Variants in CYP2S1 observed in about 807,000 individuals in gnomAD.
The protein encoded by CYP2S1 is cytochrome P450 family 2 subfamily S member 1.
A neutral mutation model predicts 43.5 loss-of-function variants in CYP2S1; 32 were observed. The ratio of observed to expected loss-of-function variants is 0.74; its 90% confidence interval spans 0.56 to 0.99. The LOEUF (loss-of-function observed/expected upper bound fraction) is 0.99, where lower values mean the gene tolerates loss of function less well. Among genes scored for constraint, CYP2S1 ranks in the 50% least tolerant of loss-of-function variants. The pLI is 0.00. For synonymous variants in CYP2S1, 283 were observed against 302.9 expected, an observed-to-expected ratio of 0.93 and a Z score of 0.68; for missense variants, 575 against 673.9, an observed-to-expected ratio of 0.85 and a Z score of 1.62.
intron 5 of CYP2S1, among the ~76,000 whole-genome samples, chr19:41,200,527 C>A (rs969547773): frequency 1.3e-5 from 2 of 152,062 alleles, no homozygotes; most frequent in Admixed American, 1.3e-4. Flanking sequence ...TGCCCGTCAC[C>A]ACGCCTGGCT....
intron 6 of CYP2S1, 73 bp downstream of exon 6, chr19:41,201,445 C>T (rs2033488450): frequency 6.5e-7 from 1 of 1,549,772 alleles, no homozygotes. Context: ...GTGGCTCACG[C>T]CTATAATCCC....
chr19:41,194,758 C>T, intron 2 of CYP2S1, 49 bp downstream of exon 2: 1 of 1,580,764 alleles, frequency 6.3e-7, no homozygotes, highest in South Asian at 1.2e-5. Flanking sequence ...CCACCACTTA[C>T]TGGTGTGTGA....
intron 2 of CYP2S1, among the ~76,000 whole-genome samples, chr19:41,195,314 G>A (rs538696554): frequency 3.3e-5 from 5 of 152,166 alleles, no homozygotes; most frequent in African/African-American, 7.2e-5. Context: ...GCAAGCCCTC[G>A]AATAATAGAA....
At position 41,193,405 on chromosome 19, in the gene CYP2S1, G is replaced by C. The variant is rs1188228467; in HGVS notation, c.141G>C (p.Gln47His). The change falls in exon 1 of 9, where the codon CAG (glutamine) becomes CAC (histidine). Residue 47 changes from glutamine to histidine, a missense_variant. Coordinates refer to ENST00000310054, the MANE Select transcript of CYP2S1 (RefSeq NM_030622.8). ...TACCACTGCTGGGAAACCTCCTGCA[G>C]CTACGGCCCGGGGCGCTGTATTCAG... is the stretch of plus-strand genomic sequence containing the variant. Reference protein sequence around the residue: ...TPLPLLGNLLQLRPGALYSGL... With the variant: ...TPLPLLGNLLHLRPGALYSGL... 1 of 1,512,872 alleles carries C rather than the reference G, an allele frequency of 6.6e-7. No homozygotes were observed. Among genetic ancestry groups the C allele is most frequent in the East Asian group, 2.6e-5 (1 of 38,856 alleles). 93.7% of individuals were successfully genotyped at this position (1,512,872 alleles called of 1,614,324 possible).
intron 6 of CYP2S1, among the ~76,000 whole-genome samples, chr19:41,202,697 G>C (rs567627367): frequency 5.9e-5 from 9 of 151,962 alleles, no homozygotes; most frequent in African/African-American, 1.9e-4. Flanking sequence ...GACTGAGGTG[G>C]AAGGATCACC....
At chr19:41,203,816 ATCTT>A (rs947143793) in intron 7 of CYP2S1, among the ~76,000 whole-genome samples, 179 bp downstream of exon 7, 19 of 138,634 alleles carry the variant, frequency 1.4e-4, no homozygotes, top group African/African-American at 4.4e-4. Context: ...ACCCCCCTGC[ATCTT>A]TCTTCTCCTT....
chr19:41,194,894 T>C (rs963596480), intron 2 of CYP2S1, among the ~76,000 whole-genome samples, 185 bp downstream of exon 2: 3 of 151,986 alleles, frequency 2.0e-5, no homozygotes, highest in Admixed American at 2.0e-4. Context: ...GGTGGGTGGA[T>C]CACTTGAGGT....
rs1217140442 is a variant in CYP2S1 at position 41,206,407 on chromosome 19, C to T, written c.1434C>T (p.Val478=). Residue 478 remains valine (V), a synonymous_variant, in exon 9 of 9, where the codon GTC becomes GTT. Transcript: ENST00000310054. ...ACACCCTGAGCCTCAAGCCCACCGTCAGTGGCCTTTTCAACATTCCCCCAG... is the reference window on the plus strand; with the variant it reads ...ACACCCTGAGCCTCAAGCCCACCGTTAGTGGCCTTTTCAACATTCCCCCAG... ...PPDTLSLKPT[V]SGLFNIPPAF... is the part of the protein sequence containing the mutation. 3 of 1,614,076 alleles carry T rather than the reference C, an allele frequency of 1.9e-6. No homozygotes were observed. The highest frequency in any genetic ancestry group is 2.5e-6 in the Non-Finnish European group (3 of 1,180,044).
intron 2 of CYP2S1, among the ~76,000 whole-genome samples, chr19:41,196,080 A>G (rs1359207840): frequency 2.0e-5 from 3 of 152,084 alleles, no homozygotes; most frequent in African/African-American, 7.2e-5. Flanking sequence ...GCACAGGCAT[A>G]TGTACGAGGG....
At chr19:41,204,943 C>A (rs1455461222) in intron 7 of CYP2S1, among the ~76,000 whole-genome samples, 1 of 151,966 alleles carries the variant, frequency 6.6e-6, no homozygotes, top group Non-Finnish European at 1.5e-5. Context: ...TCACTTCCCC[C>A]CCTGAACCTC....
At position 41,194,547 on chromosome 19, in the gene CYP2S1, A is replaced by C; in HGVS notation, c.181A>C (p.Ser61Arg). The change falls in exon 2 of 9, where the codon AGT becomes CGT. Residue 61 changes from serine (S) to arginine (R), a missense_variant. This residue lies in a region of CYP2S1 where 353 missense variants were observed against 367.6 expected (regional missense o/e 0.96). Coordinates refer to ENST00000310054, the MANE Select transcript of CYP2S1 (RefSeq NM_030622.8). ...GALYSGLMRL[S>R]KKYGPVFTIY... ...CTTTCTTCCTCCCTACCCCCAGCTG[A>C]GTAAGAAGTACGGACCGGTGTTCAC... The C allele has an allele frequency of 6.3e-7, 1 of 1,580,488 alleles. No homozygotes were observed. Among genetic ancestry groups the C allele is most frequent in the Non-Finnish European group, 8.6e-7 (1 of 1,166,688 alleles).
chr19:41,203,282 A>C (rs577933438), intron 6 of CYP2S1, among the ~76,000 whole-genome samples, 168 bp from the exon 7 acceptor site: 57 of 152,216 alleles, frequency 3.7e-4, no homozygotes, highest in African/African-American at 1.1e-3. Context: ...TAGATGGAAC[A>C]CCCAACACAC....
intron 2 of CYP2S1, among the ~76,000 whole-genome samples, chr19:41,196,218 A>AG (rs959622867): frequency 1.2e-4 from 18 of 152,262 alleles, no homozygotes; most frequent in Admixed American, 3.9e-4. Flanking sequence ...AGGGAACTGC[A>AG]GGATCATAGG....
At chr19:41,203,677 C>T (rs567914928) in intron 7 of CYP2S1, 40 bp downstream of exon 7, 181 of 1,473,166 alleles carry the variant, frequency 1.2e-4, no homozygotes, top group South Asian at 1.7e-4. Context: ...TTCTCTGCCT[C>T]GGGGCCTGAG....
Position 41,201,338 on chromosome 19 carries a change from C to A in CYP2S1, c.942C>A (p.Thr314=). Residue 314 remains threonine (T), a synonymous_variant, in exon 6 of 9, where the codon ACC becomes ACA. Coordinates refer to ENST00000310054, the MANE Select transcript of CYP2S1 (RefSeq NM_030622.8). The part of the protein sequence containing the change: ...TMTVSTTVGY[T]LLLLMKYPHV... ...CGGTCAGCACCACGGTCGGCTATAC[C>A]CTCCTGCTCCTGATGAAATACCCTC... is the stretch of plus-strand genomic sequence containing the variant. The A allele has an allele frequency of 6.2e-7, 1 of 1,614,060 alleles. No individual in the cohort carries two copies. The highest frequency in any genetic ancestry group is 8.5e-7 in the Non-Finnish European group (1 of 1,180,032).
At position 41,197,802 on chromosome 19, in the gene CYP2S1, C is replaced by G. The variant is rs752402676; in HGVS notation, c.367C>G (p.Arg123Gly). ...GHGVFFSNGE[R>G]WRQLRKFTML... ...AGGGGTTTTCTTCTCCAACGGGGAG[C>G]GGTGGAGGCAGCTGAGGAAGTTTAC... The change falls in exon 3 of 9, where the codon CGG (arginine) becomes GGG (glycine). Residue 123 changes from arginine (R) to glycine (G), a missense_variant. This residue lies in a region of CYP2S1 where 353 missense variants were observed against 367.6 expected (regional missense o/e 0.96). Coordinates refer to ENST00000310054, the MANE Select transcript of CYP2S1 (RefSeq NM_030622.8). 1 of 1,613,978 alleles carries G rather than the reference C, an allele frequency of 6.2e-7. No individual in the cohort carries two copies.
Position 41,206,621 on chromosome 19 carries a change from A to C in CYP2S1, c.*133A>C. ...TTACACGCCTGCAGTTGTTTTCCGG[A>C]GTCTGTCCCACGGCCCACACGCTCA... On this transcript the variant is annotated 3_prime_UTR_variant, in exon 9 of 9. Transcript: ENST00000310054. 8.7e-7 allele frequency: 1 copy of C among 1,149,538 alleles called. No homozygotes were observed. Among genetic ancestry groups the C allele is most frequent in the Non-Finnish European group, 1.3e-6 (1 of 767,646 alleles). 71.2% of individuals were successfully genotyped at this position (1,149,538 alleles called of 1,614,324 possible). A position where few individuals can be genotyped will look rare whatever the true frequency, so the allele number is the denominator to read the frequency against.
At chr19:41,201,464 G>C in intron 6 of CYP2S1, 92 bp downstream of exon 6, 2 of 1,506,368 alleles carry the variant, frequency 1.3e-6, no homozygotes, top group South Asian at 2.6e-5. Context: ...CCAGCACTTT[G>C]GGAGGCTGAG....
Position 41,198,419 on chromosome 19 carries a change from C to A in CYP2S1, c.494-43C>A. ...TCAGCTCCAACCTGCTCCCCTCTGC[C>A]TGGCTCCATCACAGCCTACCTCCCT... On this transcript the variant is annotated intron_variant, in intron 3 of 8. Coordinates refer to ENST00000310054, the MANE Select transcript of CYP2S1 (RefSeq NM_030622.8). This position sits in a 1 kb window ranked among gnomAD's most constrained non-coding sequence, Gnocchi z 4.9. The A allele has an allele frequency of 6.2e-7, 1 of 1,605,800 alleles. No individual in the cohort carries two copies. The highest frequency in any genetic ancestry group is 8.5e-7 in the Non-Finnish European group (1 of 1,176,252).
Sources: allele counts gnomAD v4.1 joint callset (sites outside exome capture counted in the v4.1 genomes callset), GRCh38; gene constraint gnomAD v4.1.1; regional missense constraint gnomAD v4.1.1; non-coding constraint Gnocchi (gnomAD v3.1); transcripts MANE v1.5; gene names NCBI Gene and HGNC (gene_info 2026-07-23, HGNC 2026-07-21).